The following TCF4 variants were observed in gnomAD, a reference collection of about 807,000 sequenced individuals.
TCF4 encodes the protein transcription factor 4, also known as SL3-3 enhancer factor 2.
In TCF4, 3 loss-of-function variants were observed where a neutral mutation model predicts 82.1. The observed-to-expected ratio is 0.04, with a 90% confidence interval of 0.02 to 0.09. The LOEUF (loss-of-function observed/expected upper bound fraction) is 0.09, where lower values mean the gene tolerates loss of function less well. Among genes scored for constraint, TCF4 ranks in the 10% least tolerant of loss-of-function variants. The probability of loss-of-function intolerance (pLI) is 1.00; values close to 1 mark genes in which losing one functional copy is unlikely to be tolerated. For synonymous variants in TCF4, 276 were observed against 309.6 expected (o/e 0.89, Z 1.14); for missense variants, 518 against 852.7 (o/e 0.61, Z 4.89).
At position 55,529,480 on chromosome 18, in the gene TCF4, C is replaced by T. The variant is rs540888926; in HGVS notation, c.145+55800G>A. 5.9e-5 allele frequency among the ~76,000 whole-genome samples: 9 copies of T among 152,254 alleles called. No individual in the cohort carries two copies. In the South Asian group the frequency reaches 1.0e-3, roughly 18 times the overall value. On this transcript the variant is annotated intron_variant, in intron 3 of 19. Transcript: ENST00000354452. Reference sequence around the variant, plus strand: ...GAGAGAGAACGAGAGAATGTATGAACGAATGGGGTCTTAACCACGATTATT... The same window carrying T: ...GAGAGAGAACGAGAGAATGTATGAATGAATGGGGTCTTAACCACGATTATT...
chr18:55,467,805 T>C (rs2096064795), intron 3 of TCF4, among the ~76,000 whole-genome samples: 1 of 152,134 alleles, frequency 6.6e-6, no homozygotes, highest in African/African-American at 2.4e-5. Context: ...CCTAAACTGT[T>C]CCTCACCTCT....
chr18:55,607,541 G>A (rs187475861), intron 2 of TCF4, among the ~76,000 whole-genome samples: 78 of 152,302 alleles, frequency 5.1e-4, no homozygotes, highest in African/African-American at 1.5e-3. Context: ...CTCAGGAGAA[G>A]CTATTTCCTA....
At chr18:55,577,192 A>G in intron 3 of TCF4, among the ~76,000 whole-genome samples, 1 of 32,394 alleles carries the variant, frequency 3.1e-5, no homozygotes, top group East Asian at 3.2e-3. Flanking sequence ...AAATGTATAT[A>G]TACATTTATA....
At chr18:55,516,684 A>G (rs1426820103) in intron 3 of TCF4, among the ~76,000 whole-genome samples, 1 of 152,148 alleles carries the variant, frequency 6.6e-6, no homozygotes, top group East Asian at 1.9e-4. Context: ...GGACCCAACT[A>G]TGGAGAACCT....
At chr18:55,350,228 C>T in intron 8 of TCF4, 131 bp downstream of exon 8, 1 of 941,846 alleles carries the variant, frequency 1.1e-6, no homozygotes, top group East Asian at 2.6e-5. Context: ...CAGGTCATTT[C>T]TACCTCATCC....
chr18:55,438,111 G>C (rs1309213412), intron 5 of TCF4, among the ~76,000 whole-genome samples: 16 of 150,706 alleles, frequency 1.1e-4, no homozygotes, highest in Admixed American at 1.1e-3. Flanking sequence ...TGAGACAGGA[G>C]AATTGCTTGA....
chr18:55,322,196 G>A, intron 8 of TCF4: 1 of 1,058,160 alleles, frequency 9.5e-7, no homozygotes, highest in East Asian at 5.0e-5. Context: ...AAGTGGAACA[G>A]GGTCCATTAT....
At chr18:55,473,881 C>T (rs1200289379) in intron 3 of TCF4, among the ~76,000 whole-genome samples, 1 of 152,152 alleles carries the variant, frequency 6.6e-6, no homozygotes, top group East Asian at 1.9e-4. Flanking sequence ...CTTCTGGGTA[C>T]TGGCATAATA....
intron 3 of TCF4, among the ~76,000 whole-genome samples, chr18:55,480,225 A>G (rs2096391553): frequency 1.4e-5 from 2 of 146,354 alleles, no homozygotes; most frequent in Non-Finnish European, 3.0e-5. Flanking sequence ...TGTGATGATT[A>G]CAGATAACAA....
At chr18:55,505,727 C>G (rs1043787533) in intron 3 of TCF4, among the ~76,000 whole-genome samples, 1 of 149,934 alleles carries the variant, frequency 6.7e-6, no homozygotes, top group Non-Finnish European at 1.5e-5. Flanking sequence ...TGGCGTGAAC[C>G]CGGGAGGCGG....
intron 5 of TCF4, chr18:55,422,302 G>A: frequency 2.0e-6 from 2 of 985,252 alleles, no homozygotes; most frequent in South Asian, 4.7e-5. Context: ...GAATCTGCCA[G>A]CCAGAGGACA....
intron 3 of TCF4, among the ~76,000 whole-genome samples, chr18:55,546,163 T>C (rs2097205534): frequency 1.3e-5 from 2 of 151,804 alleles, no homozygotes; most frequent in Non-Finnish European, 2.9e-5. Flanking sequence ...AAGTGAGACC[T>C]CGTCTCCACA....
chr18:55,456,797 G>A (rs1438779512), intron 5 of TCF4, among the ~76,000 whole-genome samples: 1 of 151,892 alleles, frequency 6.6e-6, no homozygotes, highest in Non-Finnish European at 1.5e-5. Context: ...AAAAACAGAG[G>A]AATTAGACTC....
chr18:55,274,352 AAAAAGGCC>A (rs2061030727), intron 10 of TCF4, among the ~76,000 whole-genome samples: 4 of 152,186 alleles, frequency 2.6e-5, no homozygotes, highest in African/African-American at 9.6e-5. Context: ...GAGGTGATAC[AAAAAGGCC>A]AATACCATTT....
At chr18:55,478,770 T>C (rs2096356472) in intron 3 of TCF4, among the ~76,000 whole-genome samples, 2 of 145,696 alleles carry the variant, frequency 1.4e-5, no homozygotes, top group African/African-American at 2.5e-5. Context: ...TTCAAGACAC[T>C]GTAAAGAATT....
chr18:55,455,018 C>G (rs1168687630), intron 5 of TCF4, among the ~76,000 whole-genome samples: 1 of 151,774 alleles, frequency 6.6e-6, no homozygotes, highest in Non-Finnish European at 1.5e-5. Flanking sequence ...AAAACCCCAT[C>G]TCTACTAAAA....
intron 3 of TCF4, among the ~76,000 whole-genome samples, chr18:55,499,313 GAATCTGA>G (rs2096671670): frequency 4.6e-5 from 7 of 152,148 alleles, no homozygotes; most frequent in African/African-American, 1.7e-4. Context: ...GAAGAAACAG[GAATCTGA>G]TACAACGTGA....
At position 55,341,739 on chromosome 18, in the gene TCF4, C is replaced by T. The variant is rs1403479948; in HGVS notation, c.549+8620G>A. ...AAAAAAAATGTATCTAAAACATATC[C>T]CTCACTCTCGTAAAGGTGGTGACAA... On this transcript the variant is annotated intron_variant, in intron 8 of 19. Transcript: ENST00000354452. 2.0e-5 allele frequency among the ~76,000 whole-genome samples: 3 copies of T among 152,210 alleles called. No individual in the cohort carries two copies. In the East Asian group the frequency reaches 5.8e-4, roughly 29 times the overall value.
rs1323956610 is a variant in TCF4, at chr18:55,573,779, T to C, written c.145+11501A>G. Among the ~76,000 whole-genome samples the C allele has an allele frequency of 2.0e-5, 3 of 152,238 alleles. No homozygotes were observed. In the East Asian group the frequency reaches 5.8e-4, roughly 29 times the overall value. On this transcript the variant is annotated intron_variant, in intron 3 of 19. Transcript: ENST00000354452. The stretch of plus-strand genomic sequence containing the variant: ...CTCTCAAATGTAGTACTTGACCTTC[T>C]TTGGCTGATTATCCATTAATGTCTG...
Sources: gnomAD v4.1 joint callset for allele counts (sites outside exome capture counted in the v4.1 genomes callset) on GRCh38, gnomAD v4.1.1 for gene constraint, MANE v1.5 for transcripts, NCBI Gene and HGNC (gene_info 2026-07-23, HGNC 2026-07-21) for gene names.